RSPH14: variants seen among roughly 807,000 people sequenced by gnomAD.
RSPH14 encodes rhabdoid tumor deletion region gene 1.
Under a neutral mutation model 26.7 loss-of-function variants are expected in RSPH14, and 20 were observed. The observed-to-expected ratio is 0.75, with a 90% CI of 0.53 to 1.09. The LOEUF (loss-of-function observed/expected upper bound fraction) is 1.09, where lower values mean the gene tolerates loss of function less well. RSPH14 is among the 50% of genes least tolerant of loss of function. The probability of loss-of-function intolerance (pLI) is 0.00; values close to 1 mark genes in which losing one functional copy is unlikely to be tolerated. For synonymous variants in RSPH14, 177 were observed against 189.3 expected, an observed-to-expected ratio of 0.93 and a Z score of 0.53; for missense variants, 449 against 457.2, an observed-to-expected ratio of 0.98 and a Z score of 0.16.
chr22:23,071,437 TAGAG>T lies in RSPH14; in HGVS notation c.422-7308_422-7305del, dbSNP rs1303619880. Among the ~76,000 whole-genome samples the T allele has an allele frequency of 6.6e-6, 1 of 152,188 alleles. No homozygotes were observed. The highest frequency in any genetic ancestry group is 6.5e-5 in the Admixed American group (1 of 15,288). ...TGTTGGGGTGGAGGGACCCGCCTGG[TAGAG>T]AGGTCTGTCTTGCTTGGGGAGACAG... On this transcript the variant is annotated intron_variant, in intron 4 of 6. Coordinates refer to ENST00000216036, the MANE Select transcript of RSPH14 (RefSeq NM_014433.3). This position sits in a 1 kb window ranked among gnomAD's most constrained non-coding sequence, Gnocchi z 4.1.
At chr22:23,174,213 G>A in the RSPH14 span, among the ~76,000 whole-genome samples, 1 of 151,976 alleles carries the variant, frequency 6.6e-6, no homozygotes, top group Non-Finnish European at 1.5e-5. Flanking sequence ...TGCTGAGGGT[G>A]TGTGACGGTG....
At chr22:23,147,809 T>C (rs887456427), upstream of RSPH14, among the ~76,000 whole-genome samples, 1 of 152,296 alleles carries the variant, frequency 6.6e-6, no homozygotes. Context: ...TGAGGAAGAA[T>C]GAGGCAACCT....
chr22:23,170,897 C>T, the RSPH14 span, among the ~76,000 whole-genome samples: 6 of 151,860 alleles, frequency 4.0e-5, no homozygotes, highest in East Asian at 5.8e-4. Flanking sequence ...CCCAGGCTGG[C>T]GTGCTGTGGC....
chr22:23,132,780 T>C (rs1332727177), intron 4 of RSPH14: 2 of 152,150 alleles, frequency 1.3e-5, no homozygotes, highest in Non-Finnish European at 2.9e-5. Context: ...TGGTTATTCA[T>C]AGGTACAGTC....
upstream of RSPH14, among the ~76,000 whole-genome samples, chr22:23,143,766 A>G (rs1006988800): frequency 2.6e-5 from 4 of 152,176 alleles, no homozygotes; most frequent in Admixed American, 2.6e-4. Flanking sequence ...TTTGGTTTCT[A>G]GATCTAGGCA....
At chr22:23,087,778 A>G (rs141839950) in intron 4 of RSPH14, among the ~76,000 whole-genome samples, 24 of 152,188 alleles carry the variant, frequency 1.6e-4, no homozygotes, top group African/African-American at 5.8e-4. Flanking sequence ...GGGCCACAAG[A>G]TCAGATGAGC....
chr22:23,136,035 G>C, intron 3 of RSPH14: 1 of 331,690 alleles, frequency 3.0e-6, no homozygotes, highest in East Asian at 4.7e-5. Context: ...GGTGTGTTTT[G>C]AATCGTCTGG....
intron 4 of RSPH14, among the ~76,000 whole-genome samples, chr22:23,101,461 G>T (rs1340110349): frequency 6.6e-6 from 1 of 152,162 alleles, no homozygotes; most frequent in Non-Finnish European, 1.5e-5. Flanking sequence ...CTTGGGAGAG[G>T]TGAGTGGCTG....
At chr22:23,091,626 A>C (rs937151318) in intron 4 of RSPH14, among the ~76,000 whole-genome samples, 1 of 151,590 alleles carries the variant, frequency 6.6e-6, no homozygotes, top group Non-Finnish European at 1.5e-5. Context: ...ATGCACCGCA[A>C]TGGACCTGCA....
the RSPH14 span, chr22:23,152,466 A>G: frequency 1.1e-5 from 18 of 1,614,154 alleles, no homozygotes; most frequent in South Asian, 2.0e-4. Context: ...CACAGGCTCA[A>G]ACTCTCCAAG....
chr22:23,085,139 C>G (rs2068783862), intron 4 of RSPH14, among the ~76,000 whole-genome samples: 1 of 152,186 alleles, frequency 6.6e-6, no homozygotes, highest in South Asian at 2.1e-4. Flanking sequence ...CAGGCTAAGC[C>G]CGTCTGCTGC....
chr22:23,087,488 G>A (rs1421843091), intron 4 of RSPH14, among the ~76,000 whole-genome samples: 1 of 152,106 alleles, frequency 6.6e-6, no homozygotes, highest in Admixed American at 6.6e-5. Flanking sequence ...CCGCCCAAGG[G>A]GTTCACCTTG....
intron 4 of RSPH14, among the ~76,000 whole-genome samples, chr22:23,104,987 G>T (rs983652478): frequency 7.2e-5 from 11 of 152,264 alleles, no homozygotes; most frequent in African/African-American, 2.7e-4. Context: ...TAGTGGACAA[G>T]CTTAGGCCAG....
intron 3 of RSPH14, among the ~76,000 whole-genome samples, chr22:23,134,681 A>G (rs754087003): frequency 5.3e-5 from 8 of 152,082 alleles, no homozygotes; most frequent in Non-Finnish European, 1.2e-4. Flanking sequence ...CCTGGCCAAC[A>G]TGGCAAAACC....
Position 23,092,058 on chromosome 22 carries a change from G to A in RSPH14, c.422-27925C>T, listed in dbSNP as rs534709090. ...AGCCATGCCCAGAGGCACTGTGGTG[G>A]GGGGTCCTGGGTGTTGAGCTCTAGT... On this transcript the variant is annotated intron_variant, in intron 4 of 6. Coordinates refer to ENST00000216036, the MANE Select transcript of RSPH14 (RefSeq NM_014433.3). Among the ~76,000 whole-genome samples the A allele has an allele frequency of 3.3e-5, 5 of 152,320 alleles. No homozygotes were observed. In the South Asian group the frequency reaches 1.0e-3, roughly 32 times the overall value.
In RSPH14 at chr22:23,069,491, T is replaced by C. The variant is rs73401120; in HGVS notation, c.422-5358A>G. Among the ~76,000 whole-genome samples the C allele has an allele frequency of 1.7e-3, 259 of 152,232 alleles. 1 individual carries two copies. The highest frequency in any genetic ancestry group is 6.0e-3 in the African/African-American group (248 of 41,544). On this transcript the variant is annotated intron_variant, in intron 4 of 6. Coordinates refer to ENST00000216036, the MANE Select transcript of RSPH14 (RefSeq NM_014433.3). ...TAGGCTTTGAAATTGAAAACAGAATTTTGCAGCCTGGGTTCAGCTGCGTTT... is the reference window on the plus strand; with the variant it reads ...TAGGCTTTGAAATTGAAAACAGAATCTTGCAGCCTGGGTTCAGCTGCGTTT...
At chr22:23,171,899 T>C in the RSPH14 span, among the ~76,000 whole-genome samples, 3 of 146,104 alleles carry the variant, frequency 2.1e-5, no homozygotes, top group Non-Finnish European at 4.5e-5. Flanking sequence ...AGTGAAAAAG[T>C]GGAAGCCAGG....
intron 4 of RSPH14, chr22:23,070,506 G>GCCGCCCCGCC (rs1229985196): frequency 1.7e-4 from 26 of 150,306 alleles, no homozygotes; most frequent in South Asian, 4.1e-4. Flanking sequence ...CCCCGTGCTC[G>GCCGCCCCGCC]CCGCCCCGCC....
At chr22:23,143,330 AATAG>A (rs59478559), upstream of RSPH14, among the ~76,000 whole-genome samples, 38,296 of 145,208 alleles carry the variant, frequency 0.26, 5,386 homozygotes, top group Middle Eastern at 0.31. Flanking sequence ...TAAATAAATA[AATAG>A]ATATAATTTT....
Sources: allele counts gnomAD v4.1 joint callset (sites outside exome capture counted in the v4.1 genomes callset), GRCh38; gene constraint gnomAD v4.1.1; non-coding constraint Gnocchi (gnomAD v3.1); transcripts MANE v1.5; gene names NCBI Gene and HGNC (gene_info 2026-07-23, HGNC 2026-07-21).